GRM7: variants seen among roughly 807,000 people sequenced by gnomAD.
The protein encoded by GRM7 is metabotropic glutamate receptor 7.
In GRM7, 35 loss-of-function variants were observed where a neutral mutation model predicts 84.5. The ratio of observed to expected loss-of-function variants is 0.41; its 90% CI spans 0.32 to 0.55. The LOEUF (loss-of-function observed/expected upper bound fraction) is 0.55, where lower values mean the gene tolerates loss of function less well. Among genes scored for constraint, GRM7 ranks in the 20% least tolerant of loss-of-function variants. The pLI, the probability that GRM7 is intolerant of heterozygous loss-of-function variation, is 0.19. For synonymous variants in GRM7, 487 were observed against 455.1 expected (o/e 1.07, Z -0.89); for missense variants, 1,003 against 1,194.6 (o/e 0.84, Z 2.36).
At chr3:6,890,532 T>C (rs1382266409) in intron 1 of GRM7, among the ~76,000 whole-genome samples, 2 of 152,190 alleles carry the variant, frequency 1.3e-5, no homozygotes, top group East Asian at 1.9e-4. Context: ...TTGCATGTAG[T>C]TGAGCGGTTT....
At chr3:6,884,693 G>C (rs965302140) in intron 1 of GRM7, among the ~76,000 whole-genome samples, 4 of 151,866 alleles carry the variant, frequency 2.6e-5, no homozygotes, top group African/African-American at 7.3e-5. Flanking sequence ...CTCGCCTTTG[G>C]GGTTCAAGCA....
At chr3:7,529,871 G>A (rs1700961025) in intron 7 of GRM7, among the ~76,000 whole-genome samples, 2 of 146,964 alleles carry the variant, frequency 1.4e-5, no homozygotes, top group African/African-American at 5.0e-5. Context: ...TGTTGTTGTT[G>A]TTGTTTTAAA....
rs57771890 is a variant in GRM7, at chr3:7,429,505, A to G, written c.1174+14342A>G. Among the ~76,000 whole-genome samples, 33 of 152,302 alleles carry G rather than the reference A, an allele frequency of 2.2e-4. No individual in the cohort carries two copies. In the East Asian group the frequency reaches 5.6e-3, roughly 26 times the overall value. On this transcript the variant is annotated intron_variant, in intron 5 of 9. Coordinates refer to ENST00000357716, the MANE Select transcript of GRM7 (RefSeq NM_000844.4). Reference sequence around the variant, plus strand: ...TGAATATTTTTCCATATGTTTGGGTATAGATTTATCTTTTTTATGAGATGC... The same window carrying G: ...TGAATATTTTTCCATATGTTTGGGTGTAGATTTATCTTTTTTATGAGATGC...
intron 1 of GRM7, among the ~76,000 whole-genome samples, chr3:6,982,798 A>T (rs1694258709): frequency 6.6e-6 from 1 of 152,172 alleles, no homozygotes; most frequent in Non-Finnish European, 1.5e-5. Context: ...CAAAATTGTC[A>T]TGTATATTAA....
chr3:6,909,112 A>G (rs765129021), intron 1 of GRM7, among the ~76,000 whole-genome samples: 26 of 152,278 alleles, frequency 1.7e-4, no homozygotes, highest in Middle Eastern at 6.8e-3. Context: ...GTTTACTAGA[A>G]TTATTAAATT....
At chr3:7,001,955 A>G (rs1695027968) in intron 1 of GRM7, among the ~76,000 whole-genome samples, 1 of 152,200 alleles carries the variant, frequency 6.6e-6, no homozygotes, top group African/African-American at 2.4e-5. Context: ...TAAGCCAATT[A>G]CTTAGTGGAG....
At chr3:7,252,959 G>A (rs1232933515) in intron 2 of GRM7, among the ~76,000 whole-genome samples, 1 of 148,408 alleles carries the variant, frequency 6.7e-6, no homozygotes. Context: ...CAAAGTGCTG[G>A]GATTACAGAC....
chr3:7,539,674 C>CAAAA (rs57039269), intron 7 of GRM7, among the ~76,000 whole-genome samples: 1 of 87,128 alleles, frequency 1.1e-5, no homozygotes, highest in Non-Finnish European at 2.2e-5. Flanking sequence ...GACTCTGTCT[C>CAAAA]AAAAAAAAAA....
intron 1 of GRM7, among the ~76,000 whole-genome samples, chr3:7,104,623 T>A (rs887890763): frequency 1.3e-5 from 2 of 151,826 alleles, no homozygotes; most frequent in Admixed American, 1.3e-4. Flanking sequence ...ACATTTTTGA[T>A]GTTTGTTTTG....
intron 7 of GRM7, among the ~76,000 whole-genome samples, chr3:7,468,094 A>G (rs1179937835): frequency 6.6e-6 from 1 of 152,210 alleles, no homozygotes; most frequent in East Asian, 1.9e-4. Context: ...TGCCTATAAA[A>G]CTGCTAATCA....
intron 7 of GRM7, among the ~76,000 whole-genome samples, chr3:7,492,689 G>T (rs555430399): frequency 6.6e-6 from 1 of 151,218 alleles, no homozygotes; most frequent in Non-Finnish European, 1.5e-5. Flanking sequence ...CTTTATTTTC[G>T]GTTCATTTGA....
At chr3:7,019,882 CACCTACTA>C (rs1386643385) in intron 1 of GRM7, among the ~76,000 whole-genome samples, 1 of 152,188 alleles carries the variant, frequency 6.6e-6, no homozygotes, top group Non-Finnish European at 1.5e-5. Context: ...ATTTTTAGAG[CACCTACTA>C]TATGGTCAGG....
intron 7 of GRM7, among the ~76,000 whole-genome samples, chr3:7,498,316 T>C (rs1559363155): frequency 2.0e-5 from 3 of 152,164 alleles, no homozygotes. Context: ...GGGTTTAGAG[T>C]TGGGGACAGT....
chr3:7,263,911 G>T (rs376320306), intron 2 of GRM7, among the ~76,000 whole-genome samples: 1 of 152,118 alleles, frequency 6.6e-6, no homozygotes, highest in Non-Finnish European at 1.5e-5. Flanking sequence ...GCATACACAC[G>T]TGCCAGCAAA....
chr3:7,055,511 A>ATG (rs1697187741), intron 1 of GRM7, among the ~76,000 whole-genome samples: 1 of 146,636 alleles, frequency 6.8e-6, no homozygotes, highest in Admixed American at 6.8e-5. Flanking sequence ...GTGTGTATGT[A>ATG]TATATATATA....
intron 9 of GRM7, among the ~76,000 whole-genome samples, chr3:7,736,791 G>T (rs1702514904): frequency 1.3e-5 from 2 of 152,012 alleles, no homozygotes; most frequent in South Asian, 4.1e-4. Context: ...GTTATATTTT[G>T]TTTTTATCCT....
At chr3:6,873,516 C>T (rs1341573384) in intron 1 of GRM7, among the ~76,000 whole-genome samples, 1 of 152,146 alleles carries the variant, frequency 6.6e-6, no homozygotes, top group Non-Finnish European at 1.5e-5. Flanking sequence ...TCACTATCCC[C>T]AATGGTGAAA....
chr3:7,186,862 G>T (rs955159908), intron 2 of GRM7, among the ~76,000 whole-genome samples: 1 of 152,096 alleles, frequency 6.6e-6, no homozygotes, highest in African/African-American at 2.4e-5. Flanking sequence ...TACAAATAAG[G>T]TTTTATTTTT....
intron 7 of GRM7, among the ~76,000 whole-genome samples, chr3:7,536,901 A>C (rs1293266793): frequency 6.6e-6 from 1 of 152,174 alleles, no homozygotes; most frequent in Non-Finnish European, 1.5e-5. Flanking sequence ...AATAATAAAT[A>C]TTTGTTAAGT....
Sources: allele counts gnomAD v4.1 joint callset (sites outside exome capture counted in the v4.1 genomes callset), GRCh38; gene constraint gnomAD v4.1.1; transcripts MANE v1.5; gene names NCBI Gene and HGNC (gene_info 2026-07-23, HGNC 2026-07-21).